The following COL19A1 variants were observed in gnomAD, a reference collection of about 807,000 sequenced individuals.
COL19A1 encodes collagen type XIX alpha 1 chain.
COL19A1 carries 159 observed loss-of-function variants against 190.2 expected under a neutral mutation model. That is an observed-to-expected ratio of 0.84 (90% CI 0.73 to 0.95). The LOEUF is 0.95. Among genes scored for constraint, COL19A1 ranks in the 40% least tolerant of loss-of-function variants. The pLI, the probability that COL19A1 is intolerant of heterozygous loss-of-function variation, is 0.00. For synonymous variants in COL19A1, 509 were observed against 458.9 expected (o/e 1.11, Z -1.39); for missense variants, 1,418 against 1,431.9 (o/e 0.99, Z 0.16).
At chr6:69,917,378 C>T (rs998415489) in intron 4 of COL19A1, among the ~76,000 whole-genome samples, 7 of 152,114 alleles carry the variant, frequency 4.6e-5, no homozygotes, top group Non-Finnish European at 7.3e-5. Flanking sequence ...TGCTGAGCAA[C>T]GTAAGTGTTA....
At chr6:70,062,570 A>C (rs190976211) in intron 14 of COL19A1, among the ~76,000 whole-genome samples, 130 of 152,292 alleles carry the variant, frequency 8.5e-4, no homozygotes, top group Non-Finnish European at 1.6e-3. Context: ...AAACTGCATC[A>C]ACTAACGAGC....
chr6:69,925,767 A>T (rs535306441), intron 4 of COL19A1, among the ~76,000 whole-genome samples: 1,930 of 152,220 alleles, frequency 0.013, 42 homozygotes, highest in African/African-American at 0.037. Context: ...TTCATTGAGC[A>T]GTGGTTTGTA....
At chr6:70,087,790 C>G (rs1782672725) in intron 15 of COL19A1, among the ~76,000 whole-genome samples, 2 of 152,152 alleles carry the variant, frequency 1.3e-5, no homozygotes, top group South Asian at 4.1e-4. Flanking sequence ...AAACTGGTGA[C>G]TATATGTTGC....
At chr6:70,032,226 A>G (rs1221623155) in intron 12 of COL19A1, among the ~76,000 whole-genome samples, 1 of 152,212 alleles carries the variant, frequency 6.6e-6, no homozygotes, top group Non-Finnish European at 1.5e-5. Flanking sequence ...CTCAAAAGTA[A>G]GGAATGGAGA....
At chr6:70,025,680 G>C (rs541146775) in intron 12 of COL19A1, among the ~76,000 whole-genome samples, 4 of 152,334 alleles carry the variant, frequency 2.6e-5, no homozygotes, top group Admixed American at 6.5e-5. Context: ...CTCCGTGAAA[G>C]CAAAGACCAT....
At chr6:70,074,413 C>T (rs1405396417) in intron 15 of COL19A1, among the ~76,000 whole-genome samples, 1 of 146,528 alleles carries the variant, frequency 6.8e-6, no homozygotes, top group African/African-American at 2.6e-5. Context: ...GCAGGAGAAT[C>T]GCTTGAACCC....
chr6:70,131,640 C>G (rs950151618), intron 18 of COL19A1, among the ~76,000 whole-genome samples: 3 of 151,858 alleles, frequency 2.0e-5, no homozygotes, highest in African/African-American at 4.8e-5. Context: ...ACATTTTAAG[C>G]AATGACTTCT....
intron 15 of COL19A1, among the ~76,000 whole-genome samples, chr6:70,075,255 AC>A (rs1363110018): frequency 6.6e-6 from 1 of 152,230 alleles, no homozygotes; most frequent in Non-Finnish European, 1.5e-5. Context: ...GCTTTCTCCA[AC>A]ACATTGTTTG....
chr6:70,031,581 C>T (rs1779078252), intron 12 of COL19A1, among the ~76,000 whole-genome samples: 1 of 152,096 alleles, frequency 6.6e-6, no homozygotes, highest in Admixed American at 6.6e-5. Context: ...TTGTGCCTGG[C>T]TTACTTCACT....
chr6:69,982,404 C>A lies in COL19A1; in HGVS notation c.1026+19534C>A, dbSNP rs1294359386. ...TACAGGCACCTGCCGCCACACCCGA[C>A]TAATTTTTGCATTTTTAGTGGAGAT... is the stretch of plus-strand genomic sequence containing the variant. On this transcript the variant is annotated intron_variant, in intron 11 of 50. Coordinates refer to ENST00000620364, the MANE Select transcript of COL19A1 (RefSeq NM_001858.6). Among the ~76,000 whole-genome samples, 3 of 151,854 alleles carry A rather than the reference C, an allele frequency of 2.0e-5. No individual in the cohort carries two copies. The South Asian group carries it at 6.3e-4, about 32-fold the overall frequency.
intron 15 of COL19A1, among the ~76,000 whole-genome samples, chr6:70,079,921 G>A (rs1782136691): frequency 6.6e-6 from 1 of 152,024 alleles, no homozygotes; most frequent in Admixed American, 6.6e-5. Flanking sequence ...AAGCAAAGAA[G>A]TCTGTAAATA....
intron 27 of COL19A1, 125 bp from the exon 28 acceptor site, chr6:70,149,579 G>A (rs1187962596): frequency 1.0e-5 from 12 of 1,170,070 alleles, no homozygotes; most frequent in South Asian, 1.5e-5. Context: ...AGTTTTCCAC[G>A]TGTGTACGGT....
intron 19 of COL19A1, among the ~76,000 whole-genome samples, chr6:70,138,288 C>T (rs892608934): frequency 2.0e-5 from 3 of 152,142 alleles, no homozygotes; most frequent in Non-Finnish European, 2.9e-5. Flanking sequence ...TTCCCAACCA[C>T]TTTTTGGTAT....
intron 11 of COL19A1, among the ~76,000 whole-genome samples, chr6:69,978,897 T>A (rs988714445): frequency 4.0e-5 from 6 of 150,722 alleles, no homozygotes; most frequent in African/African-American, 1.2e-4. Context: ...GAAAAAAAAA[T>A]GACCACAGAT....
intron 44 of COL19A1, among the ~76,000 whole-genome samples, chr6:70,181,529 G>A (rs1386404010): frequency 2.6e-5 from 4 of 151,802 alleles, no homozygotes; most frequent in Non-Finnish European, 1.5e-5. Flanking sequence ...GAGTTCCCAG[G>A]AGATTATGCA....
At position 70,207,433 on chromosome 6, in the gene COL19A1, A is replaced by G. The variant is rs1390143958; in HGVS notation, c.*159A>G. On this transcript the variant is annotated 3_prime_UTR_variant, in exon 51 of 51. Coordinates refer to ENST00000620364, the MANE Select transcript of COL19A1 (RefSeq NM_001858.6). Reference sequence around the variant, plus strand: ...AAGCAACCGTTTGAATCCTATTCCTATAGCAATTGCAAATCAGCATTTTTT... The same window carrying G: ...AAGCAACCGTTTGAATCCTATTCCTGTAGCAATTGCAAATCAGCATTTTTT... The G allele has an allele frequency of 2.0e-5, 11 of 552,378 alleles. No individual in the cohort carries two copies. In the African/African-American group the frequency reaches 2.3e-4, roughly 12 times the overall value. The allele number at this position is 552,378 out of a possible 1,614,324, so 34.2% of individuals were successfully genotyped here. A position where few individuals can be genotyped will look rare whatever the true frequency, so the allele number is the denominator to read the frequency against.
intron 1 of COL19A1, among the ~76,000 whole-genome samples, chr6:69,875,186 C>G (rs1308403401): frequency 6.6e-6 from 1 of 152,128 alleles, no homozygotes; most frequent in Non-Finnish European, 1.5e-5. Flanking sequence ...ACAGAATGTT[C>G]CAGGATGAGG....
intron 11 of COL19A1, among the ~76,000 whole-genome samples, chr6:69,998,644 C>CAAAAAAAAAAAAAAAAAAAAACAAAAA: frequency 1.5e-5 from 1 of 67,268 alleles, no homozygotes. Context: ...GACTCCCTCT[C>CAAAAAAAAAAAAAAAAAAAAACAAAAA]AAAAAAAAAA....
rs766923083 is a variant in COL19A1 at position 70,141,935 on chromosome 6, T to C, written c.1518+7T>C. ...AGGATCACAGGGAGTAAAGGTAATT[T>C]CCTGGCATTCTTCAATTTCCTCTCC... On this transcript the variant is annotated splice_region_variant and intron_variant, in intron 21 of 50. Coordinates refer to ENST00000620364, the MANE Select transcript of COL19A1 (RefSeq NM_001858.6). 1.2e-6 allele frequency: 2 copies of C among 1,606,952 alleles called. No individual in the cohort carries two copies. The highest frequency in any genetic ancestry group is 3.3e-5 in the Admixed American group (2 of 59,838).
Sources: allele counts gnomAD v4.1 joint callset (sites outside exome capture counted in the v4.1 genomes callset), GRCh38; gene constraint gnomAD v4.1.1; transcripts MANE v1.5; gene names NCBI Gene and HGNC (gene_info 2026-07-23, HGNC 2026-07-21).